TCAIM: variants seen among roughly 807,000 people sequenced by gnomAD.
The protein encoded by TCAIM is T cell activation inhibitor, mitochondrial.
Under a neutral mutation model 58.6 loss-of-function variants are expected in TCAIM, and 36 were observed. That is an observed-to-expected ratio of 0.61 (90% CI 0.47 to 0.81). The LOEUF is 0.81. Ranked by LOEUF, TCAIM falls within the 30% of genes least tolerant of loss-of-function variation. The probability of loss-of-function intolerance (pLI) is 0.00; values close to 1 mark genes in which losing one functional copy is unlikely to be tolerated. For missense variants in TCAIM, 466 were observed against 579.6 expected (o/e 0.80, Z 2.01); for synonymous variants, 172 against 193.6 (o/e 0.89, Z 0.93).
At position 44,396,873 on chromosome 3, in the gene TCAIM, C is replaced by T. The variant is rs7650644; in HGVS notation, c.885+39C>T. 46 of 1,559,648 alleles carry T rather than the reference C, an allele frequency of 2.9e-5. No homozygotes were observed. The East Asian group carries it at 1.0e-3, about 35-fold the overall frequency. Reference sequence around the variant, plus strand: ...TTAAAATTAAAAACTCCTTGTCATTCATAAACTTTCATTTCCAACAATGCT... The same window carrying T: ...TTAAAATTAAAAACTCCTTGTCATTTATAAACTTTCATTTCCAACAATGCT... On this transcript the variant is annotated intron_variant, in intron 8 of 10. Transcript: ENST00000342649.
intron 5 of TCAIM, among the ~76,000 whole-genome samples, chr3:44,378,833 G>C (rs2125644258): frequency 6.6e-6 from 1 of 151,264 alleles, no homozygotes; most frequent in South Asian, 2.1e-4. Context: ...ACCACAGTGA[G>C]ATACCACCTC....
Position 44,374,839 on chromosome 3 carries a change from G to T in TCAIM, c.572+7131G>T, listed in dbSNP as rs1182044906. Among the ~76,000 whole-genome samples, 5 of 152,116 alleles carry T rather than the reference G, an allele frequency of 3.3e-5. No homozygotes were observed. The East Asian group carries it at 9.6e-4, about 29-fold the overall frequency. On this transcript the variant is annotated intron_variant, in intron 5 of 10. Coordinates refer to ENST00000342649, the MANE Select transcript of TCAIM (RefSeq NM_173826.4). ...GAAAATAAAATAAAGGCTGTTATTG[G>T]TCTAAACTCCTTTGTTTTATACAGT...
At chr3:44,342,942 G>C (rs528092102) in intron 1 of TCAIM, among the ~76,000 whole-genome samples, 2 of 152,144 alleles carry the variant, frequency 1.3e-5, no homozygotes, top group Admixed American at 1.3e-4. Flanking sequence ...TTCGAGACCA[G>C]CCTGGCCAAC....
intron 8 of TCAIM, among the ~76,000 whole-genome samples, chr3:44,398,118 T>C (rs1049263760): frequency 2.6e-5 from 4 of 151,758 alleles, no homozygotes; most frequent in African/African-American, 7.3e-5. Context: ...ACAGATGACA[T>C]GTAAGCACAT....
At chr3:44,373,874 A>G (rs1421365752) in intron 5 of TCAIM, among the ~76,000 whole-genome samples, 1 of 152,214 alleles carries the variant, frequency 6.6e-6, no homozygotes, top group African/African-American at 2.4e-5. Context: ...GGAGCTAACC[A>G]GATCCATTTT....
chr3:44,341,788 T>G (rs749556766), intron 1 of TCAIM, among the ~76,000 whole-genome samples: 13 of 152,178 alleles, frequency 8.5e-5, no homozygotes, highest in South Asian at 2.1e-4. Context: ...CTACTTAAGC[T>G]TCACAAAAGT....
At chr3:44,355,347 A>T (rs1424860091) in intron 2 of TCAIM, among the ~76,000 whole-genome samples, 2 of 152,186 alleles carry the variant, frequency 1.3e-5, no homozygotes, top group African/African-American at 4.8e-5. Context: ...GAGGGTTTGT[A>T]TAAGGAGTGG....
chr3:44,358,799 T>C (rs1327224031), intron 3 of TCAIM: 2 of 985,266 alleles, frequency 2.0e-6, no homozygotes, highest in African/African-American at 1.7e-5. Flanking sequence ...TGATATCTAG[T>C]TTAATATGAA....
At chr3:44,367,192 C>T (rs1301296312) in intron 4 of TCAIM, among the ~76,000 whole-genome samples, 2 of 152,028 alleles carry the variant, frequency 1.3e-5, no homozygotes, top group Admixed American at 6.6e-5. Flanking sequence ...GTCACTGGAG[C>T]CAAACTAGAA....
chr3:44,348,110 A>C (rs1490738821), intron 1 of TCAIM, among the ~76,000 whole-genome samples: 2 of 152,212 alleles, frequency 1.3e-5, no homozygotes, highest in African/African-American at 4.8e-5. Context: ...CCTGGCCGTC[A>C]ATACCCACAA....
chr3:44,362,213 A>AT (rs965410646), intron 4 of TCAIM, among the ~76,000 whole-genome samples: 12 of 151,790 alleles, frequency 7.9e-5, no homozygotes, highest in Admixed American at 3.3e-4. Context: ...ATACACTGTA[A>AT]TTTTTTTTTG....
chr3:44,351,715 G>A (rs935337132), intron 1 of TCAIM, among the ~76,000 whole-genome samples: 7 of 151,658 alleles, frequency 4.6e-5, no homozygotes, highest in South Asian at 2.1e-4. Flanking sequence ...GGCTGGTCTC[G>A]AACTCCTGAC....
At chr3:44,352,791 C>T (rs1701117172) in intron 1 of TCAIM, among the ~76,000 whole-genome samples, 2 of 152,142 alleles carry the variant, frequency 1.3e-5, no homozygotes, top group Admixed American at 1.3e-4. Context: ...CTGTTCATCC[C>T]TCCCTATCGA....
At position 44,392,851 on chromosome 3, in the gene TCAIM, C is replaced by T. The variant is rs747824946; in HGVS notation, c.573-4C>T. 3.1e-6 allele frequency: 5 copies of T among 1,610,874 alleles called. No individual in the cohort carries two copies. In the African/African-American group the frequency reaches 5.4e-5, roughly 17 times the overall value. ...TTGTAAAGTATGTATCTCTCTCTTT[C>T]TAGATCCTGGTTAGATAACAATGGG... is the stretch of plus-strand genomic sequence containing the variant. On this transcript the variant is annotated splice_polypyrimidine_tract_variant and splice_region_variant and intron_variant, in intron 5 of 10. Coordinates refer to ENST00000342649, the MANE Select transcript of TCAIM (RefSeq NM_173826.4).
intron 1 of TCAIM, chr3:44,340,854 T>G (rs1700841509): frequency 6.6e-6 from 1 of 152,184 alleles, no homozygotes; most frequent in Non-Finnish European, 1.5e-5. Flanking sequence ...TATTTCTTTC[T>G]CTCCTTCCTA....
intron 5 of TCAIM, among the ~76,000 whole-genome samples, chr3:44,374,215 G>A (rs1236046322): frequency 1.3e-5 from 2 of 150,494 alleles, no homozygotes; most frequent in Non-Finnish European, 2.9e-5. Flanking sequence ...CTAAGTCACT[G>A]TTTTTAAAAT....
intron 5 of TCAIM, among the ~76,000 whole-genome samples, chr3:44,386,940 G>C (rs1701752527): frequency 6.6e-6 from 1 of 152,242 alleles, no homozygotes; most frequent in Non-Finnish European, 1.5e-5. Flanking sequence ...TGGGGACTGG[G>C]CTGCCGGTTC....
chr3:44,395,361 T>A (rs916672626), intron 6 of TCAIM, among the ~76,000 whole-genome samples: 3 of 152,166 alleles, frequency 2.0e-5, no homozygotes, highest in Non-Finnish European at 4.4e-5. Flanking sequence ...TGAGCGCCTG[T>A]TTTGAATGCC....
In TCAIM at chr3:44,399,681, C is replaced by A. The variant is rs979789880; in HGVS notation, c.886-674C>A. 4.6e-5 allele frequency among the ~76,000 whole-genome samples: 7 copies of A among 152,186 alleles called. 1 individual carries two copies. In the South Asian group the frequency reaches 1.0e-3, roughly 23 times the overall value. On this transcript the variant is annotated intron_variant, in intron 8 of 10. Transcript: ENST00000342649. ...TTTCCTTCCCCCAAAACATCCCTTA[C>A]ATTCATGTGCCATTTCTAAATCTTA... is the stretch of plus-strand genomic sequence containing the variant.
Sources: gnomAD v4.1 joint callset for allele counts (sites outside exome capture counted in the v4.1 genomes callset) on GRCh38, gnomAD v4.1.1 for gene constraint, MANE v1.5 for transcripts, NCBI Gene and HGNC (gene_info 2026-07-23, HGNC 2026-07-21) for gene names.